SLC10A2: variants seen among roughly 807,000 people sequenced by gnomAD.
SLC10A2 encodes the protein solute carrier family 10 member 2.
SLC10A2 carries 34 observed loss-of-function variants against 27.1 expected under a neutral mutation model. The observed-to-expected ratio is 1.26, with a 90% CI of 0.96 to 1.67. SLC10A2 has a LOEUF of 1.67. Among genes scored for constraint, SLC10A2 ranks in the 40% most tolerant of loss-of-function variants. The pLI, the probability that SLC10A2 is intolerant of heterozygous loss-of-function variation, is 0.00. For synonymous variants in SLC10A2, 205 were observed against 174.0 expected, an observed-to-expected ratio of 1.18 and a Z score of -1.40; for missense variants, 530 against 444.4, an observed-to-expected ratio of 1.19 and a Z score of -1.73.
At chr13:103,054,032 T>C (rs545508255) in intron 2 of SLC10A2, among the ~76,000 whole-genome samples, 167 of 152,314 alleles carry the variant, frequency 1.1e-3, no homozygotes, top group Non-Finnish European at 1.8e-3. Flanking sequence ...CCATATCTCA[T>C]GTTGAATTAT....
chr13:103,057,927 A>G lies in SLC10A2; in HGVS notation c.496+337T>C, dbSNP rs565181801. Among the ~76,000 whole-genome samples the G allele has an allele frequency of 2.6e-5, 4 of 152,136 alleles. No individual in the cohort carries two copies. In the South Asian group the frequency reaches 8.3e-4, roughly 32 times the overall value. Reference sequence around the variant, plus strand: ...TTCAAGTGTCTGGATGCAAAATCCTATGACCATTAACTAGTGACACTCTGG... The same window carrying G: ...TTCAAGTGTCTGGATGCAAAATCCTGTGACCATTAACTAGTGACACTCTGG... On this transcript the variant is annotated intron_variant, in intron 2 of 5. Transcript: ENST00000245312.
rs757719574 is a variant in SLC10A2 at position 103,052,639 on chromosome 13, T to C, written c.566A>G (p.Lys189Arg). Reference sequence around the variant, plus strand: ...ACTTACTTTAAGTATGATCTTTGCTTTTTGGGGCCATTTGTGATTAACAAA... The same window carrying C: ...ACTTACTTTAAGTATGATCTTTGCTCTTTGGGGCCATTTGTGATTAACAAA... ...GMFVNHKWPQ[K>R]AKIILKIGSI... Residue 189 changes from lysine (K) to arginine (R), a missense_variant, in exon 3 of 6, where the codon AAA (lysine) becomes AGA (arginine). Transcript: ENST00000245312. The C allele has an allele frequency of 6.2e-7, 1 of 1,610,622 alleles. No homozygotes were observed. Among genetic ancestry groups the C allele is most frequent in the Non-Finnish European group, 8.5e-7 (1 of 1,176,888 alleles).
rs190049646 is a variant in SLC10A2 at position 103,057,153 on chromosome 13, G to C, written c.496+1111C>G. Among the ~76,000 whole-genome samples the C allele has an allele frequency of 5.1e-3, 772 of 152,134 alleles. 4 individuals carry two copies. The highest frequency in any genetic ancestry group is 7.4e-3 in the Non-Finnish European group (505 of 68,008). ...CAGCTCATTGGGATTTTTTTCCAAG[G>C]TCAGTGGGGAAAAAAACCCAGGTAT... On this transcript the variant is annotated intron_variant, in intron 2 of 5. Coordinates refer to ENST00000245312, the MANE Select transcript of SLC10A2 (RefSeq NM_000452.3).
rs540339905 is a variant in SLC10A2 at position 103,059,428 on chromosome 13, A to G, written c.378-1046T>C. ...ATTTTTATTTTCGATTCATGATAAGAAAGTCCTGCAAGAATCTGTCTCAAC... is the reference window on the plus strand; with the variant it reads ...ATTTTTATTTTCGATTCATGATAAGGAAGTCCTGCAAGAATCTGTCTCAAC... On this transcript the variant is annotated intron_variant, in intron 1 of 5. Transcript: ENST00000245312. 1.1e-4 allele frequency among the ~76,000 whole-genome samples: 16 copies of G among 152,336 alleles called. 1 individual carries two copies. In the South Asian group the frequency reaches 2.9e-3, roughly 28 times the overall value.
At position 103,044,993 on chromosome 13, in the gene SLC10A2, T is replaced by G. The variant is rs200936152; in HGVS notation, c.*1140A>C. On this transcript the variant is annotated 3_prime_UTR_variant, in exon 6 of 6. Transcript: ENST00000245312. ...CCTGGCTGGTGGGGCCCTTCTGACT[T>G]TTGGGCCCTGGGACACGTTCTCTGT... is the stretch of plus-strand genomic sequence containing the variant. 1 of 152,168 alleles carries G rather than the reference T, an allele frequency of 6.6e-6. No homozygotes were observed. Among genetic ancestry groups the G allele is most frequent in the Non-Finnish European group, 1.5e-5 (1 of 68,064 alleles). The allele number at this position is 152,168 out of a possible 1,614,324, so 9.4% of individuals were successfully genotyped here.
At position 103,066,386 on chromosome 13, in the gene SLC10A2, G is replaced by A; in HGVS notation, c.-137C>T. On this transcript the variant is annotated 5_prime_UTR_variant, in exon 1 of 6. Coordinates refer to ENST00000245312, the MANE Select transcript of SLC10A2 (RefSeq NM_000452.3). The stretch of plus-strand genomic sequence containing the variant: ...AACCCCTCCTAAAAATATGTCACTT[G>A]GTGTCTCTTTTGAAAGCCACCTTAG... 1 of 925,246 alleles carries A rather than the reference G, an allele frequency of 1.1e-6. No homozygotes were observed. The highest frequency in any genetic ancestry group is 2.3e-5 in the South Asian group (1 of 43,538). 57.3% of individuals were successfully genotyped at this position (925,246 alleles called of 1,614,324 possible).
Position 103,065,860 on chromosome 13 carries a change from T to C in SLC10A2, c.377+13A>G, listed in dbSNP as rs766006332. On this transcript the variant is annotated intron_variant, in intron 1 of 5. Coordinates refer to ENST00000245312, the MANE Select transcript of SLC10A2 (RefSeq NM_000452.3). ...AAGGTGATTGCAGTAGTTAGAGGTA[T>C]AGATAATCTTACCTCAGGTCCATGT... 4.3e-6 allele frequency: 7 copies of C among 1,613,522 alleles called. No individual in the cohort carries two copies. In the African/African-American group the frequency reaches 9.3e-5, roughly 22 times the overall value.
rs768215139 is a variant in SLC10A2 at position 103,046,108 on chromosome 13, C to G, written c.*25G>C. 1.2e-6 allele frequency: 2 copies of G among 1,612,892 alleles called. No individual in the cohort carries two copies. Among genetic ancestry groups the G allele is most frequent in the Non-Finnish European group, 1.7e-6 (2 of 1,179,096 alleles). On this transcript the variant is annotated 3_prime_UTR_variant, in exon 6 of 6. Coordinates refer to ENST00000245312, the MANE Select transcript of SLC10A2 (RefSeq NM_000452.3). ...TACGGTTTAAGAACGTAATTTGGAACTCGTCTGTTTTGTCCACTTGATGTC... is the reference window on the plus strand; with the variant it reads ...TACGGTTTAAGAACGTAATTTGGAAGTCGTCTGTTTTGTCCACTTGATGTC...
intron 1 of SLC10A2, among the ~76,000 whole-genome samples, chr13:103,061,883 A>G (rs1595442679): frequency 6.6e-6 from 1 of 152,192 alleles, no homozygotes; most frequent in East Asian, 1.9e-4. Flanking sequence ...TAAATTAGCA[A>G]AAGAAAATAT....
At chr13:103,055,203 G>T (rs1468119719) in intron 2 of SLC10A2, among the ~76,000 whole-genome samples, 1 of 152,162 alleles carries the variant, frequency 6.6e-6, no homozygotes, top group Non-Finnish European at 1.5e-5. Context: ...TTACAGTGCT[G>T]TTGTGAGAAT....
intron 1 of SLC10A2, among the ~76,000 whole-genome samples, chr13:103,065,438 A>G (rs1271398106): frequency 6.6e-6 from 1 of 152,200 alleles, no homozygotes; most frequent in East Asian, 1.9e-4. Flanking sequence ...CCACTGTCTC[A>G]CTACAGGTTC....
rs1490300037 is a variant in SLC10A2, at chr13:103,066,287, G to A, written c.-38C>T. On this transcript the variant is annotated 5_prime_UTR_variant, in exon 1 of 6. Transcript: ENST00000245312. ...TGCTGGAAAGGCCAAGTCCACAGAA[G>A]CGCTGGTCCCTGGGCCCTGGCTCTG... 3 of 1,566,076 alleles carry A rather than the reference G, an allele frequency of 1.9e-6. No homozygotes were observed. The highest frequency in any genetic ancestry group is 1.2e-5 in the South Asian group (1 of 83,414).
chr13:103,047,087 G>A (rs976451431), intron 5 of SLC10A2, among the ~76,000 whole-genome samples: 7 of 152,202 alleles, frequency 4.6e-5, no homozygotes, highest in South Asian at 2.1e-4. Context: ...AGGACCCCTC[G>A]AATTCTAATA....
chr13:103,056,370 T>C (rs1434203762), intron 2 of SLC10A2, among the ~76,000 whole-genome samples: 1 of 152,186 alleles, frequency 6.6e-6, no homozygotes, highest in Non-Finnish European at 1.5e-5. Flanking sequence ...ATGATGACCT[T>C]TTCCTCCATT....
intron 5 of SLC10A2, among the ~76,000 whole-genome samples, chr13:103,048,687 T>G (rs141755222): frequency 1.3e-5 from 2 of 152,138 alleles, no homozygotes; most frequent in Non-Finnish European, 2.9e-5. Flanking sequence ...CGGTGGGGCC[T>G]GATGGGAAAC....
Position 103,051,477 on chromosome 13 carries a change from G to A in SLC10A2, c.586-45C>T, listed in dbSNP as rs199534069. On this transcript the variant is annotated intron_variant, in intron 3 of 5. Coordinates refer to ENST00000245312, the MANE Select transcript of SLC10A2 (RefSeq NM_000452.3). ...GTGAACCCAGCAATCATGAGTCAAA[G>A]CAAATCCAAGTATGTTTGTCAGAGA... 6.9e-5 allele frequency: 110 copies of A among 1,597,464 alleles called. No individual in the cohort carries two copies. In the African/African-American group the frequency reaches 1.3e-3, roughly 19 times the overall value.
chr13:103,051,762 C>G (rs915595937), intron 3 of SLC10A2, among the ~76,000 whole-genome samples: 2 of 152,208 alleles, frequency 1.3e-5, no homozygotes, highest in Non-Finnish European at 2.9e-5. Flanking sequence ...CCAGATTCAA[C>G]TACTCCTATT....
At chr13:103,063,819 T>G (rs1297034338) in intron 1 of SLC10A2, among the ~76,000 whole-genome samples, 1 of 152,180 alleles carries the variant, frequency 6.6e-6, no homozygotes, top group Non-Finnish European at 1.5e-5. Flanking sequence ...CTGGAATAAG[T>G]GCTACAGAAA....
rs1257545600 is a variant in SLC10A2 at position 103,049,974 on chromosome 13, C to T, written c.762-528G>A. On this transcript the variant is annotated intron_variant, in intron 4 of 5. Coordinates refer to ENST00000245312, the MANE Select transcript of SLC10A2 (RefSeq NM_000452.3). ...GACCAGACTGGGCCACATAATGAGA[C>T]CCTGTTTCTAAAACAACAAAACAAA... is the stretch of plus-strand genomic sequence containing the variant. 4.0e-5 allele frequency among the ~76,000 whole-genome samples: 6 copies of T among 151,538 alleles called. No homozygotes were observed. In the East Asian group the frequency reaches 1.2e-3, roughly 29 times the overall value.
Sources: gnomAD v4.1 joint callset for allele counts (sites outside exome capture counted in the v4.1 genomes callset) on GRCh38, gnomAD v4.1.1 for gene constraint, MANE v1.5 for transcripts, NCBI Gene and HGNC (gene_info 2026-07-23, HGNC 2026-07-21) for gene names.